The following MYO16 variants were observed in gnomAD, a reference collection of about 807,000 sequenced individuals.
The protein encoded by MYO16 is myosin XVI, also known as unconventional myosin-XVI.
Under a neutral mutation model 205.3 loss-of-function variants are expected in MYO16, and 94 were observed. The observed-to-expected ratio is 0.46, with a 90% CI of 0.39 to 0.54. MYO16 has a LOEUF of 0.54. Ranked by LOEUF, MYO16 falls within the 20% of genes least tolerant of loss-of-function variation. The pLI is 0.00. For missense variants in MYO16, 2,315 were observed against 2,387.5 expected (o/e 0.97, Z 0.63); for synonymous variants, 988 against 954.0 (o/e 1.04, Z -0.66).
chr13:109,040,385 C>CAGAGAGAGAGAGAGAGAGAGAGAG lies in MYO16; in HGVS notation c.2797-6523_2797-6500dup, dbSNP rs146955371. Among the ~76,000 whole-genome samples, 797 of 113,000 alleles carry CAGAGAGAGAGAGAGAGAGAGAGAG rather than the reference C, an allele frequency of 7.1e-3. 8 individuals are homozygous for CAGAGAGAGAGAGAGAGAGAGAGAG. Among genetic ancestry groups the CAGAGAGAGAGAGAGAGAGAGAGAG allele is most frequent in the South Asian group, 0.013 (36 of 2,772 alleles). The allele number at this position is 113,000 out of a possible 152,430, so 74.1% of individuals were successfully genotyped here. On this transcript the variant is annotated intron_variant, in intron 23 of 34. Coordinates refer to ENST00000457511, the MANE Select transcript of MYO16 (RefSeq NM_001198950.3). ...ATACACACACACACACACACACACACAGAGAGAGAGAGAGAGAGAGAGAGA... is the reference window on the plus strand; with the variant it reads ...ATACACACACACACACACACACACACAGAGAGAGAGAGAGAGAGAGAGAGAGAGAGAGAGAGAGAGAGAGAGAGA...
chr13:109,184,838 A>T (rs1879618483), intron 34 of MYO16, among the ~76,000 whole-genome samples: 1 of 150,776 alleles, frequency 6.6e-6, no homozygotes, highest in African/African-American at 2.4e-5. Context: ...GCACAATCTC[A>T]GCTCACTGCA....
chr13:108,868,832 A>G (rs1878855266), intron 12 of MYO16, among the ~76,000 whole-genome samples: 1 of 151,504 alleles, frequency 6.6e-6, no homozygotes, highest in African/African-American at 2.4e-5. Context: ...AGGCAGGAGA[A>G]TCGCTTGAAC....
intron 28 of MYO16, among the ~76,000 whole-genome samples, chr13:109,118,087 C>A (rs922303755): frequency 4.6e-5 from 7 of 152,116 alleles, no homozygotes; most frequent in Non-Finnish European, 7.4e-5. Flanking sequence ...CTCAAGATGC[C>A]CTGGGAAATT....
intron 27 of MYO16, among the ~76,000 whole-genome samples, chr13:109,062,988 A>G (rs1887636993): frequency 6.6e-6 from 1 of 152,208 alleles, no homozygotes; most frequent in South Asian, 2.1e-4. Flanking sequence ...TACAAGAAAG[A>G]ATATGATTAC....
At chr13:109,075,020 A>G (rs1888046237) in intron 27 of MYO16, among the ~76,000 whole-genome samples, 2 of 152,162 alleles carry the variant, frequency 1.3e-5, no homozygotes, top group Non-Finnish European at 2.9e-5. Flanking sequence ...TAATTTTGAC[A>G]TTCATCTATA....
chr13:108,965,654 C>G (rs1883764979), intron 20 of MYO16, among the ~76,000 whole-genome samples: 1 of 152,212 alleles, frequency 6.6e-6, no homozygotes, highest in South Asian at 2.1e-4. Flanking sequence ...GATCCGCCTG[C>G]CTCGGCCTCC....
At chr13:108,886,428 C>T (rs1200851056) in intron 13 of MYO16, 1 of 456,142 alleles carries the variant, frequency 2.2e-6, no homozygotes, top group South Asian at 1.5e-5. Context: ...TCTTGCCTCA[C>T]GACCTGGAAA....
At chr13:108,899,460 G>C (rs1880604141) in intron 15 of MYO16, among the ~76,000 whole-genome samples, 1 of 152,058 alleles carries the variant, frequency 6.6e-6, no homozygotes, top group Non-Finnish European at 1.5e-5. Flanking sequence ...GATGCTTTTA[G>C]ATGTTTAGAT....
chr13:108,822,567 C>G (rs915639338), intron 8 of MYO16, among the ~76,000 whole-genome samples: 2 of 152,142 alleles, frequency 1.3e-5, no homozygotes, highest in African/African-American at 4.8e-5. Flanking sequence ...TCAGATGTTA[C>G]TGTTATGTGT....
At chr13:108,853,202 G>A (rs988309165) in intron 10 of MYO16, among the ~76,000 whole-genome samples, 3 of 152,304 alleles carry the variant, frequency 2.0e-5, no homozygotes, top group Non-Finnish European at 1.5e-5. Context: ...ATGAGACTCC[G>A]CAAAGTGGAA....
chr13:108,653,637 A>C (rs1196294539), intron 1 of MYO16, among the ~76,000 whole-genome samples: 2 of 151,856 alleles, frequency 1.3e-5, no homozygotes, highest in African/African-American at 2.4e-5. Flanking sequence ...TTCAGTTTTG[A>C]AAACTGGTAT....
chr13:109,010,588 A>G (rs1885559402), intron 22 of MYO16, among the ~76,000 whole-genome samples: 1 of 152,052 alleles, frequency 6.6e-6, no homozygotes, highest in South Asian at 2.1e-4. Context: ...GCTTTACCAA[A>G]CAAGTGAATA....
At chr13:108,669,660 T>C (rs1039365197) in intron 2 of MYO16, among the ~76,000 whole-genome samples, 2 of 152,218 alleles carry the variant, frequency 1.3e-5, no homozygotes, top group African/African-American at 4.8e-5. Flanking sequence ...TGGGGTTGTT[T>C]TTTTATTGTA....
At chr13:108,726,560 A>ATC (rs1246963620) in intron 3 of MYO16, among the ~76,000 whole-genome samples, 1 of 56,988 alleles carries the variant, frequency 1.8e-5, no homozygotes, top group Non-Finnish European at 3.6e-5. Context: ...TCTGTTTCAA[A>ATC]AAAAAAAAAA....
chr13:108,997,338 AAGAGAGAGAGAGAG>A (rs869174444), intron 21 of MYO16, among the ~76,000 whole-genome samples: 1 of 5,542 alleles, frequency 1.8e-4, no homozygotes, highest in African/African-American at 7.0e-4. Context: ...GAAAGAAAGA[AAGAGAGAGAGAGAG>A]AGAGAGAGAG....
chr13:108,860,912 A>G (rs538128872), intron 11 of MYO16, among the ~76,000 whole-genome samples: 1 of 152,270 alleles, frequency 6.6e-6, no homozygotes, highest in South Asian at 2.1e-4. Flanking sequence ...TTCACTCACA[A>G]TCTGCTTTCT....
At chr13:109,101,160 AT>A (rs1434523187) in intron 28 of MYO16, 1 of 343,462 alleles carries the variant, frequency 2.9e-6, no homozygotes, top group Non-Finnish European at 5.6e-6. Context: ...CGTGTGTCAG[AT>A]TCATACCTTG....
intron 6 of MYO16, among the ~76,000 whole-genome samples, chr13:108,805,931 A>AATAAATAAATAC (rs1167434795): frequency 9.4e-5 from 14 of 149,152 alleles, no homozygotes; most frequent in African/African-American, 3.4e-4. Context: ...TACCAAAATA[A>AATAAATAAATAC]ATAAATAAAT....
chr13:108,727,355 G>GT lies in MYO16; in HGVS notation c.364-76dup, dbSNP rs927628205. 1,136 of 1,411,618 alleles carry GT rather than the reference G, an allele frequency of 8.0e-4. 1 individual carries two copies. Among genetic ancestry groups the GT allele is most frequent in the African/African-American group, 1.3e-3 (93 of 69,352 alleles). The allele number at this position is 1,411,618 out of a possible 1,614,324, so 87.4% of individuals were successfully genotyped here. A position where few individuals can be genotyped will look rare whatever the true frequency, so the allele number is the denominator to read the frequency against. On this transcript the variant is annotated intron_variant, in intron 3 of 34. Coordinates refer to ENST00000457511, the MANE Select transcript of MYO16 (RefSeq NM_001198950.3). Reference sequence around the variant, plus strand: ...CTCAACTCCCAAAATTGGTATTGAAGTTTTTTTTTAAATCTGTGGACATTT... The same window carrying GT: ...CTCAACTCCCAAAATTGGTATTGAAGTTTTTTTTTTAAATCTGTGGACATTT...
Sources: gnomAD v4.1 joint callset for allele counts (sites outside exome capture counted in the v4.1 genomes callset) on GRCh38, gnomAD v4.1.1 for gene constraint, MANE v1.5 for transcripts, NCBI Gene and HGNC (gene_info 2026-07-23, HGNC 2026-07-21) for gene names.